RREB1: variants seen among roughly 807,000 people sequenced by gnomAD.
RREB1 encodes ras responsive element binding protein 1, also known as ras-responsive element-binding protein 1.
In RREB1, 27 loss-of-function variants were observed where a neutral mutation model predicts 117.8. The observed-to-expected ratio is 0.23, with a 90% CI of 0.17 to 0.32. RREB1 has a LOEUF of 0.32. RREB1 is among the 10% of genes least tolerant of loss of function. RREB1 has a pLI of 1.00. For synonymous variants in RREB1, 1,298 were observed against 1,026.7 expected (o/e 1.26, Z -5.05); for missense variants, 2,577 against 2,378.2 (o/e 1.08, Z -1.74).
At position 7,250,818 on chromosome 6, in the gene RREB1, G is replaced by A. The variant is rs1158212699; in HGVS notation, c.*1850G>A. The stretch of plus-strand genomic sequence containing the variant: ...ATCTTCGCATACGAAAGGAAAAAAG[G>A]TTGAGGTATATATGATTTTTAACTG... On this transcript the variant is annotated 3_prime_UTR_variant, in exon 13 of 13. Transcript: ENST00000379938. 6.6e-6 allele frequency: 1 copy of A among 152,118 alleles called. No homozygotes were observed. Among genetic ancestry groups the A allele is most frequent in the Non-Finnish European group, 1.5e-5 (1 of 68,034 alleles). The allele number at this position is 152,118 out of a possible 1,614,324, so 9.4% of individuals were successfully genotyped here.
chr6:7,136,830 C>T (rs1561737446), intron 1 of RREB1, among the ~76,000 whole-genome samples: 1 of 152,066 alleles, frequency 6.6e-6, no homozygotes, highest in African/African-American at 2.4e-5. Flanking sequence ...TGTGAAAGCC[C>T]GTCGTTAACC....
In RREB1 at chr6:7,108,389, GCTCCCAGCGCGAGC is replaced by G; in HGVS notation, c.-285+331_-285+344del. Among the ~76,000 whole-genome samples, 3 of 151,526 alleles carry G rather than the reference GCTCCCAGCGCGAGC, an allele frequency of 2.0e-5. No individual in the cohort carries two copies. The East Asian group carries it at 5.8e-4, about 30-fold the overall frequency. On this transcript the variant is annotated intron_variant, in intron 1 of 12. Coordinates refer to ENST00000379938, the MANE Select transcript of RREB1 (RefSeq NM_001003699.4). ...CCCGAGCCGCCGGCTCTGCCAACCA[GCTCCCAGCGCGAGC>G]CGCCGCAGCGCCCCGCCAGCAGGAC...
chr6:7,188,216 C>G (rs1323902688), intron 5 of RREB1, among the ~76,000 whole-genome samples: 1 of 116,428 alleles, frequency 8.6e-6, no homozygotes, highest in Non-Finnish European at 1.8e-5. Flanking sequence ...TAGAATCGCT[C>G]CCCCCCACAC....
chr6:7,220,957 A>G (rs1446911839), intron 8 of RREB1, among the ~76,000 whole-genome samples: 1 of 152,092 alleles, frequency 6.6e-6, no homozygotes, highest in Non-Finnish European at 1.5e-5. Context: ...CCCTCCACAG[A>G]TTTACAGTGG....
intron 1 of RREB1, among the ~76,000 whole-genome samples, chr6:7,165,036 GT>G (rs1763854886): frequency 6.6e-6 from 1 of 152,228 alleles, no homozygotes; most frequent in South Asian, 2.1e-4. Context: ...AAATGTCTAA[GT>G]GAGCCCTGAA....
chr6:7,204,543 A>G (rs1210709627), intron 6 of RREB1, among the ~76,000 whole-genome samples: 1 of 152,142 alleles, frequency 6.6e-6, no homozygotes, highest in East Asian at 1.9e-4. Flanking sequence ...TGGACAAAAA[A>G]AAGCGAGCAC....
chr6:7,168,066 G>T (rs1414005082), intron 1 of RREB1, among the ~76,000 whole-genome samples: 1 of 152,062 alleles, frequency 6.6e-6, no homozygotes, highest in East Asian at 1.9e-4. Context: ...TTTGAGACCA[G>T]CCTGTTCAAC....
chr6:7,137,123 G>A (rs932463130), intron 1 of RREB1, among the ~76,000 whole-genome samples: 1 of 152,196 alleles, frequency 6.6e-6, no homozygotes, highest in Non-Finnish European at 1.5e-5. Flanking sequence ...CCAAAGCCCA[G>A]AGCTAATTCG....
intron 1 of RREB1, among the ~76,000 whole-genome samples, chr6:7,110,329 G>T (rs1344994111): frequency 6.7e-6 from 1 of 149,742 alleles, no homozygotes; most frequent in East Asian, 1.9e-4. Context: ...GTCTGAGTTA[G>T]ATAGAGGCCA....
At chr6:7,149,469 A>C (rs1354089764) in intron 1 of RREB1, among the ~76,000 whole-genome samples, 1 of 152,084 alleles carries the variant, frequency 6.6e-6, no homozygotes, top group East Asian at 1.9e-4. Context: ...ACTGTAAAAA[A>C]CCATAGAATT....
intron 6 of RREB1, among the ~76,000 whole-genome samples, chr6:7,194,968 A>G (rs1455932192): frequency 6.6e-6 from 1 of 152,214 alleles, no homozygotes. Flanking sequence ...TACCTACCGC[A>G]TGGGAATGTT....
chr6:7,200,484 G>T (rs532280789), intron 6 of RREB1, among the ~76,000 whole-genome samples: 22 of 152,086 alleles, frequency 1.4e-4, no homozygotes, highest in African/African-American at 5.3e-4. Flanking sequence ...GGCCAGGCGG[G>T]TCTCAAACTC....
chr6:7,202,483 C>T (rs189590025), intron 6 of RREB1, among the ~76,000 whole-genome samples: 6 of 152,284 alleles, frequency 3.9e-5, no homozygotes, highest in South Asian at 2.1e-4. Context: ...TGATTTTAGT[C>T]GTTGCCCTGG....
intron 6 of RREB1, among the ~76,000 whole-genome samples, chr6:7,190,231 A>G (rs979795390): frequency 2.0e-5 from 3 of 152,172 alleles, no homozygotes; most frequent in African/African-American, 7.2e-5. Context: ...TCTATCCTCA[A>G]GCAAGTTACT....
At position 7,189,445 on chromosome 6, in the gene RREB1, A is replaced by G. The variant is rs141957649; in HGVS notation, c.425+123A>G. ...TACAGAGAGTTCTGGAGCTCTGTCC[A>G]TTGTATGGAAAAACCAGAGATGCAC... On this transcript the variant is annotated intron_variant, in intron 6 of 12. Transcript: ENST00000379938. 3 of 942,028 alleles carry G rather than the reference A, an allele frequency of 3.2e-6. No homozygotes were observed. The Admixed American group carries it at 9.9e-5, about 31-fold the overall frequency. 58.4% of individuals were successfully genotyped at this position (942,028 alleles called of 1,614,324 possible).
chr6:7,235,621 T>C (rs1168107808), intron 10 of RREB1, among the ~76,000 whole-genome samples: 1 of 152,208 alleles, frequency 6.6e-6, no homozygotes, highest in Non-Finnish European at 1.5e-5. Flanking sequence ...TGTTTTTGAG[T>C]ACAGTGTTAA....
At position 7,189,279 on chromosome 6, in the gene RREB1, A is replaced by G. The variant is rs568581314; in HGVS notation, c.382A>G (p.Thr128Ala). 1.1e-4 allele frequency: 180 copies of G among 1,603,956 alleles called. 1 individual carries two copies. The South Asian group carries it at 1.6e-3, about 15-fold the overall frequency. ...VHSGERPYKC[T>A]VCGQSFTTNG... ...CTCTGGCGAGAGGCCTTACAAGTGC[A>G]CTGTGTGTGGCCAGTCATTTACCAC... The change falls in exon 6 of 13, where the codon ACT (threonine) becomes GCT (alanine). Residue 128 changes from threonine (T) to alanine (A), a missense_variant. Physicochemically the swap from Thr to Ala is moderately conservative, Grantham distance 58. Coordinates refer to ENST00000379938, the MANE Select transcript of RREB1 (RefSeq NM_001003699.4).
chr6:7,210,438 T>A (rs1009038137), intron 6 of RREB1, among the ~76,000 whole-genome samples: 2 of 152,208 alleles, frequency 1.3e-5, no homozygotes, highest in Non-Finnish European at 2.9e-5. Flanking sequence ...AGTGGAACAG[T>A]TTAGGTATCT....
intron 8 of RREB1, 87 bp from the exon 9 acceptor site, chr6:7,226,380 A>T: frequency 1.1e-6 from 1 of 935,420 alleles, no homozygotes; most frequent in Non-Finnish European, 1.5e-6. Flanking sequence ...ACAAAAACTT[A>T]AGTCTGGAAG....
Sources: allele counts gnomAD v4.1 joint callset (sites outside exome capture counted in the v4.1 genomes callset), GRCh38; gene constraint gnomAD v4.1.1; transcripts MANE v1.5; gene names NCBI Gene and HGNC (gene_info 2026-07-23, HGNC 2026-07-21).